The following SFT2D1 variants were observed in gnomAD, a reference collection of about 807,000 sequenced individuals.
SFT2D1 encodes vesicle transport protein SFT2A.
In SFT2D1, 24 loss-of-function variants were observed where a neutral mutation model predicts 28.1. The ratio of observed to expected loss-of-function variants is 0.85; its 90% confidence interval spans 0.62 to 1.20. The LOEUF (loss-of-function observed/expected upper bound fraction) is 1.20. Among genes scored for constraint, SFT2D1 ranks in the 50% most tolerant of loss-of-function variants. The pLI is 0.00. For missense variants in SFT2D1, 181 were observed against 190.9 expected, an observed-to-expected ratio of 0.95 and a Z score of 0.31; for synonymous variants, 82 against 73.7, an observed-to-expected ratio of 1.11 and a Z score of -0.58.
In SFT2D1 at chr6:166,342,478, CCATGGCCCTGTTA is replaced by C; in HGVS notation, c.-10_3del. ...CCGCTCAGGACTCGCCGCAGCTTCTCCATGGCCCTGTTACAGGGCCGTAGCGGCCGCCACTCTG... is the reference window on the plus strand; with the variant it reads ...CCGCTCAGGACTCGCCGCAGCTTCTCCAGGGCCGTAGCGGCCGCCACTCTG... On this transcript the variant is annotated start_lost and 5_prime_UTR_variant, in exon 1 of 8. Coordinates refer to ENST00000361731, the MANE Select transcript of SFT2D1 (RefSeq NM_145169.3). The C allele has an allele frequency of 6.4e-7, 1 of 1,552,926 alleles. No homozygotes were observed. The highest frequency in any genetic ancestry group is 1.2e-5 in the South Asian group (1 of 84,240).
intron 7 of SFT2D1, among the ~76,000 whole-genome samples, chr6:166,320,864 G>A (rs1283936438): frequency 1.3e-5 from 2 of 152,194 alleles, no homozygotes; most frequent in Non-Finnish European, 2.9e-5. Context: ...GGTGGCTCAC[G>A]CCTGTAAGGC....
intron 1 of SFT2D1, among the ~76,000 whole-genome samples, chr6:166,340,107 C>T (rs1353464362): frequency 1.3e-5 from 2 of 152,256 alleles, no homozygotes; most frequent in African/African-American, 4.8e-5. Flanking sequence ...AACAGTGTGG[C>T]CTGCTGGCTG....
At position 166,330,166 on chromosome 6, in the gene SFT2D1, TAGAAA is replaced by T; in HGVS notation, c.140_144del (p.Phe47TyrfsTer46). On this transcript the variant is annotated frameshift_variant, in exon 2 of 8. Transcript: ENST00000361731. LOFTEE classifies it high-confidence loss of function. ...AATATAAAGCCTTAACTCACAAGAA[TAGAAA>T]AGAAAACGCCACATACGAAGCAGAT... The T allele has an allele frequency of 3.1e-6, 5 of 1,588,920 alleles. No individual in the cohort carries two copies. The highest frequency in any genetic ancestry group is 4.3e-6 in the Non-Finnish European group (5 of 1,171,834).
intron 1 of SFT2D1, chr6:166,334,805 G>A: frequency 2.4e-6 from 1 of 421,816 alleles, no homozygotes; most frequent in South Asian, 1.9e-5. Flanking sequence ...CGCCATGAAT[G>A]CAAAGCCACA....
In SFT2D1 at chr6:166,321,138, GT is replaced by G. The variant is rs1001197558; in HGVS notation, c.441-883del. On this transcript the variant is annotated intron_variant, in intron 7 of 7. Transcript: ENST00000361731. ...AAAAAAAAAAGAACTAATGAACTGA[GT>G]TTCAAAACTGTAATGTTTATAACTG... Among the ~76,000 whole-genome samples, 4 of 151,920 alleles carry G rather than the reference GT, an allele frequency of 2.6e-5. No individual in the cohort carries two copies. The South Asian group carries it at 8.3e-4, about 32-fold the overall frequency.
chr6:166,331,698 T>TA (rs932383202), intron 1 of SFT2D1, among the ~76,000 whole-genome samples: 77 of 152,130 alleles, frequency 5.1e-4, no homozygotes, highest in African/African-American at 7.0e-4. Context: ...AATGATCTGT[T>TA]AAAAAAAATG....
Position 166,329,606 on chromosome 6 carries a change from T to A in SFT2D1, c.151-17A>T, listed in dbSNP as rs372107720. On this transcript the variant is annotated splice_polypyrimidine_tract_variant and intron_variant, in intron 2 of 7. Coordinates refer to ENST00000361731, the MANE Select transcript of SFT2D1 (RefSeq NM_145169.3). Reference sequence around the variant, plus strand: ...TCCAGTTCCCTAAGTTAAGATATTATAGTTATTTTAAAATAATTTTATGAT... The same window carrying A: ...TCCAGTTCCCTAAGTTAAGATATTAAAGTTATTTTAAAATAATTTTATGAT... 6.4e-7 allele frequency: 1 copy of A among 1,560,394 alleles called. No homozygotes were observed. Among genetic ancestry groups the A allele is most frequent in the Non-Finnish European group, 8.7e-7 (1 of 1,151,796 alleles).
chr6:166,322,689 CAAAAAAA>C (rs1159615099), intron 7 of SFT2D1, among the ~76,000 whole-genome samples, 161 bp downstream of exon 7: 1 of 54,712 alleles, frequency 1.8e-5, no homozygotes, highest in Non-Finnish European at 3.8e-5. Flanking sequence ...GACTCTGTCT[CAAAAAAA>C]AAAAAAAAAA....
In SFT2D1 at chr6:166,332,437, G is replaced by A. The variant is rs150323855; in HGVS notation, c.64-2190C>T. On this transcript the variant is annotated intron_variant, in intron 1 of 7. Coordinates refer to ENST00000361731, the MANE Select transcript of SFT2D1 (RefSeq NM_145169.3). ...GCCTGACTAATTTTTTGTATTTTTAGTAGAAACGGGGTTTCACTATGTTGG... is the reference window on the plus strand; with the variant it reads ...GCCTGACTAATTTTTTGTATTTTTAATAGAAACGGGGTTTCACTATGTTGG... 4.3e-3 allele frequency among the ~76,000 whole-genome samples: 656 copies of A among 152,252 alleles called. 2 individuals are homozygous for A. Among genetic ancestry groups the A allele is most frequent in the African/African-American group, 0.015 (629 of 41,536 alleles).
intron 2 of SFT2D1, among the ~76,000 whole-genome samples, chr6:166,329,835 C>G (rs1272318566): frequency 1.3e-5 from 2 of 152,130 alleles, no homozygotes; most frequent in Non-Finnish European, 2.9e-5. Flanking sequence ...TTGTGCTTAC[C>G]AGTAAATCTC....
At chr6:166,320,417 A>T (rs1778329579) in intron 7 of SFT2D1, among the ~76,000 whole-genome samples, 161 bp from the exon 8 acceptor site, 2 of 152,232 alleles carry the variant, frequency 1.3e-5, no homozygotes, top group South Asian at 4.1e-4. Context: ...TAAGATTAAG[A>T]GCTAAGATTT....
At chr6:166,333,159 G>C (rs1403352278) in intron 1 of SFT2D1, among the ~76,000 whole-genome samples, 1 of 152,218 alleles carries the variant, frequency 6.6e-6, no homozygotes, top group Non-Finnish European at 1.5e-5. Flanking sequence ...GTGAGAAAAA[G>C]AAACAGACAT....
At chr6:166,339,273 T>C (rs66461381) in intron 1 of SFT2D1, among the ~76,000 whole-genome samples, 36,791 of 151,856 alleles carry the variant, frequency 0.24, 4,610 homozygotes, top group East Asian at 0.34. Flanking sequence ...GGCAGTGAGC[T>C]AGGTGTCTGC....
chr6:166,329,704 A>G (rs1778515704), intron 2 of SFT2D1, 115 bp from the exon 3 acceptor site: 1 of 824,426 alleles, frequency 1.2e-6, no homozygotes, highest in Admixed American at 2.8e-5. Context: ...TTAAATACAA[A>G]TCTGCTTGTA....
chr6:166,322,856 C>A lies in SFT2D1; in HGVS notation c.440+1G>T. On this transcript the variant is annotated splice_donor_variant, in intron 7 of 7. Transcript: ENST00000361731. LOFTEE classifies it high-confidence loss of function. The stretch of plus-strand genomic sequence containing the variant: ...AGAAGACAAGATTCAAACAAGCTTA[C>A]CTTGCATATGGGATGTACGACAGGC... The A allele has an allele frequency of 6.2e-7, 1 of 1,610,402 alleles. No individual in the cohort carries two copies. Among genetic ancestry groups the A allele is most frequent in the Non-Finnish European group, 8.5e-7 (1 of 1,177,086 alleles).
chr6:166,338,648 A>G (rs1778710267), intron 1 of SFT2D1, among the ~76,000 whole-genome samples: 1 of 151,864 alleles, frequency 6.6e-6, no homozygotes, highest in African/African-American at 2.4e-5. Flanking sequence ...GAGGAGAAAG[A>G]GGGCAGGGCA....
rs752259839 is a variant in SFT2D1 at position 166,339,967 on chromosome 6, C to T, written c.63+2452G>A. On this transcript the variant is annotated intron_variant, in intron 1 of 7. Transcript: ENST00000361731. ...CTGGATCTCAGACTTCACGTCCACA[C>T]TGAAATGATTTTCCTCCCTGAACCT... Among the ~76,000 whole-genome samples, 8 of 152,222 alleles carry T rather than the reference C, an allele frequency of 5.3e-5. No individual in the cohort carries two copies. The South Asian group carries it at 8.3e-4, about 16-fold the overall frequency.
chr6:166,324,377 G>A (rs1778407004), intron 6 of SFT2D1, 160 bp downstream of exon 6: 2 of 589,562 alleles, frequency 3.4e-6, no homozygotes, highest in Non-Finnish European at 6.0e-6. Context: ...ACGCTGTCAA[G>A]TGCAACAGGA....
chr6:166,331,392 G>C (rs1215778913), intron 1 of SFT2D1: 3 of 152,642 alleles, frequency 2.0e-5, no homozygotes, highest in Admixed American at 6.5e-5. Context: ...TACCTCAAGA[G>C]ATTAATCTGT....
Sources: gnomAD v4.1 joint callset for allele counts (sites outside exome capture counted in the v4.1 genomes callset) on GRCh38, gnomAD v4.1.1 for gene constraint, MANE v1.5 for transcripts, NCBI Gene and HGNC (gene_info 2026-07-23, HGNC 2026-07-21) for gene names.